Variants in SLC17A8 observed in about 807,000 individuals in gnomAD.
SLC17A8 encodes the protein solute carrier family 17 member 8, also known as vesicular glutamate transporter 3.
In SLC17A8, 31 loss-of-function variants were observed where a neutral mutation model predicts 58.0. The observed-to-expected ratio is 0.53, with a 90% CI of 0.40 to 0.72. The LOEUF (loss-of-function observed/expected upper bound fraction) is 0.72, where lower values mean the gene tolerates loss of function less well. Among genes scored for constraint, SLC17A8 ranks in the 30% least tolerant of loss-of-function variants. The pLI is 0.00. For synonymous variants in SLC17A8, 228 were observed against 249.0 expected (o/e 0.92, Z 0.79); for missense variants, 655 against 727.8 (o/e 0.90, Z 1.15).
At chr12:100,397,349 C>T (rs1952760749) in intron 5 of SLC17A8, among the ~76,000 whole-genome samples, 1 of 152,204 alleles carries the variant, frequency 6.6e-6, no homozygotes, top group South Asian at 2.1e-4. Context: ...ACCATGTACA[C>T]ATTGTCATAT....
In SLC17A8 at chr12:100,369,575, C is replaced by G. The variant is rs148720471; in HGVS notation, c.102-11126C>G. The stretch of plus-strand genomic sequence containing the variant: ...ATCCTCTTCTTGTTCTGTCCCGTAT[C>G]TAAATCTCATTCAAGTGCTTTGGAT... On this transcript the variant is annotated intron_variant, in intron 1 of 11. Transcript: ENST00000323346. 2.6e-3 allele frequency among the ~76,000 whole-genome samples: 395 copies of G among 152,326 alleles called. 3 individuals are homozygous for G. Among genetic ancestry groups the G allele is most frequent in the Middle Eastern group, 0.02 (6 of 294 alleles).
chr12:100,363,280 G>C (rs970945244), intron 1 of SLC17A8, among the ~76,000 whole-genome samples: 1 of 152,206 alleles, frequency 6.6e-6, no homozygotes, highest in African/African-American at 2.4e-5. Context: ...GAATGATGGC[G>C]AGTGGGGCCA....
intron 5 of SLC17A8, among the ~76,000 whole-genome samples, 194 bp downstream of exon 5, chr12:100,396,611 A>G (rs1368970343): frequency 6.6e-6 from 1 of 151,598 alleles, no homozygotes; most frequent in East Asian, 1.9e-4. Flanking sequence ...TTAGCCGAGC[A>G]TGGAGGTGTG....
chr12:100,385,162 A>C (rs1347862611), intron 2 of SLC17A8, among the ~76,000 whole-genome samples: 2 of 150,122 alleles, frequency 1.3e-5, no homozygotes, highest in Admixed American at 6.6e-5. Flanking sequence ...GAGAAAGAGA[A>C]AGAGACAGAG....
chr12:100,394,680 G>C (rs1952740321), intron 4 of SLC17A8, among the ~76,000 whole-genome samples: 1 of 149,754 alleles, frequency 6.7e-6, no homozygotes, highest in Non-Finnish European at 1.5e-5. Flanking sequence ...TGGGATTACA[G>C]GTGTTAGCCA....
chr12:100,388,658 A>T (rs1432411084), intron 2 of SLC17A8, among the ~76,000 whole-genome samples: 1 of 152,254 alleles, frequency 6.6e-6, no homozygotes, highest in Non-Finnish European at 1.5e-5. Flanking sequence ...GAAGCACAGG[A>T]CGAACGTTGA....
chr12:100,368,933 C>A (rs949049676), intron 1 of SLC17A8, among the ~76,000 whole-genome samples: 2 of 152,178 alleles, frequency 1.3e-5, no homozygotes, highest in Admixed American at 1.3e-4. Flanking sequence ...TAGCTGCAAT[C>A]AACAGAATAC....
chr12:100,389,612 G>T lies in SLC17A8; in HGVS notation c.355-1389G>T, dbSNP rs577659818. Among the ~76,000 whole-genome samples, 510 of 150,516 alleles carry T rather than the reference G, an allele frequency of 3.4e-3. 3 individuals carry two copies. Among genetic ancestry groups the T allele is most frequent in the African/African-American group, 0.011 (450 of 41,096 alleles). ...ACATTATATATATTATATATATATAGAGAGAGAGACACACACATTAGATAT... is the reference window on the plus strand; with the variant it reads ...ACATTATATATATTATATATATATATAGAGAGAGACACACACATTAGATAT... On this transcript the variant is annotated intron_variant, in intron 2 of 11. Transcript: ENST00000323346.
At chr12:100,367,622 C>A (rs538548686) in intron 1 of SLC17A8, among the ~76,000 whole-genome samples, 1 of 152,186 alleles carries the variant, frequency 6.6e-6, no homozygotes. Context: ...ACAATCATAC[C>A]TCACGGCAGC....
chr12:100,404,813 A>G (rs751106691), intron 9 of SLC17A8, among the ~76,000 whole-genome samples: 13 of 152,202 alleles, frequency 8.5e-5, no homozygotes, highest in Non-Finnish European at 1.6e-4. Flanking sequence ...TACTATATGC[A>G]ATTTGCAATG....
At chr12:100,413,917 C>A (rs1467894342) in intron 10 of SLC17A8, among the ~76,000 whole-genome samples, 1 of 151,902 alleles carries the variant, frequency 6.6e-6, no homozygotes, top group African/African-American at 2.4e-5. Context: ...TTGGAGGTTG[C>A]GGTGAGCTGA....
chr12:100,391,282 TTTA>T (rs147500742), intron 3 of SLC17A8, among the ~76,000 whole-genome samples, 163 bp downstream of exon 3: 9 of 152,094 alleles, frequency 5.9e-5, no homozygotes, highest in South Asian at 4.2e-4. Flanking sequence ...CTGATCTTAA[TTTA>T]TTTTTATTTT....
chr12:100,369,695 TTTG>T (rs906393884), intron 1 of SLC17A8, among the ~76,000 whole-genome samples: 2 of 152,216 alleles, frequency 1.3e-5, no homozygotes, highest in African/African-American at 4.8e-5. Context: ...TGTTTTTTAT[TTTG>T]TTTTGTTTTT....
chr12:100,409,622 T>C (rs1265062723), intron 9 of SLC17A8, among the ~76,000 whole-genome samples: 1 of 152,146 alleles, frequency 6.6e-6, no homozygotes, highest in East Asian at 1.9e-4. Context: ...GAGAAGGTGA[T>C]GTCAGCTTCA....
At chr12:100,370,328 G>GCT (rs2135975046) in intron 1 of SLC17A8, among the ~76,000 whole-genome samples, 1 of 151,446 alleles carries the variant, frequency 6.6e-6, no homozygotes, top group East Asian at 1.9e-4. Flanking sequence ...ATGGAGTTTT[G>GCT]CTCTTGTCAC....
At chr12:100,386,471 C>A (rs1294304540) in intron 2 of SLC17A8, among the ~76,000 whole-genome samples, 1 of 152,070 alleles carries the variant, frequency 6.6e-6, no homozygotes, top group East Asian at 1.9e-4. Flanking sequence ...TCATTTCCCC[C>A]TCCCCCAGCA....
At chr12:100,401,029 A>C in intron 5 of SLC17A8, among the ~76,000 whole-genome samples, 2 of 112,634 alleles carry the variant, frequency 1.8e-5, no homozygotes, top group South Asian at 2.7e-4. Flanking sequence ...TGATACAGTC[A>C]CTCTGTCACC....
intron 1 of SLC17A8, among the ~76,000 whole-genome samples, chr12:100,361,756 G>C (rs1952486414): frequency 6.6e-6 from 1 of 152,174 alleles, no homozygotes. Flanking sequence ...GAGCTCAGGA[G>C]TTTGAGACCA....
rs35397911 is a variant in SLC17A8 at position 100,377,585 on chromosome 12, ATTT to A, written c.102-3095_102-3093del. Among the ~76,000 whole-genome samples, 43 of 84,024 alleles carry A rather than the reference ATTT, an allele frequency of 5.1e-4. 1 individual carries two copies. In the South Asian group the frequency reaches 9.3e-3, roughly 18 times the overall value. 55.1% of individuals were successfully genotyped at this position (84,024 alleles called of 152,430 possible). ...GGCTTCAAGATATATATATATATAT[ATTT>A]TTTTTTTTTTTTTTTTTTTTGAGAC... On this transcript the variant is annotated intron_variant, in intron 1 of 11. Transcript: ENST00000323346.
Sources: allele counts gnomAD v4.1 joint callset (sites outside exome capture counted in the v4.1 genomes callset), GRCh38; gene constraint gnomAD v4.1.1; transcripts MANE v1.5; gene names NCBI Gene and HGNC (gene_info 2026-07-23, HGNC 2026-07-21).